NF1: variants seen among roughly 807,000 people sequenced by gnomAD.
NF1 encodes the protein neurofibromin 1.
A neutral mutation model predicts 325.7 loss-of-function variants in NF1; 122 were observed. The observed-to-expected ratio is 0.37, with a 90% CI of 0.32 to 0.44. NF1 has a LOEUF of 0.44. NF1 is among the 20% of genes least tolerant of loss of function. The pLI, the probability that NF1 is intolerant of heterozygous loss-of-function variation, is 1.00. For missense variants in NF1, 2,140 were observed against 3,415.4 expected (o/e 0.63, Z 9.31); for synonymous variants, 1,091 against 1,186.0 (o/e 0.92, Z 1.65).
chr17:31,222,240 A>G, intron 15 of NF1: 1 of 1,077,048 alleles, frequency 9.3e-7, no homozygotes, highest in East Asian at 4.9e-5. Flanking sequence ...ATAGATTTTC[A>G]TAGTTATAAG....
intron 1 of NF1, among the ~76,000 whole-genome samples, chr17:31,139,397 C>A (rs1916048948): frequency 6.6e-6 from 1 of 151,472 alleles, no homozygotes; most frequent in Non-Finnish European, 1.5e-5. Flanking sequence ...CACACACACA[C>A]ACACACACAC....
chr17:31,260,655 T>G (rs918468688), intron 34 of NF1, 140 bp downstream of exon 34: 35 of 1,143,256 alleles, frequency 3.1e-5, no homozygotes, highest in Non-Finnish European at 4.1e-5. Context: ...AGATTCTTTT[T>G]TTCAAAAAAA....
At chr17:31,250,164 C>T (rs2067470901) in intron 30 of NF1, 1 of 332,622 alleles carries the variant, frequency 3.0e-6, no homozygotes, top group Non-Finnish European at 5.9e-6. Context: ...CCTTGTCTCT[C>T]TTAATTTATC....
intron 13 of NF1, among the ~76,000 whole-genome samples, chr17:31,218,368 G>A (rs1300724929): frequency 6.6e-6 from 1 of 151,680 alleles, no homozygotes; most frequent in Non-Finnish European, 1.5e-5. Context: ...GTATAGATGT[G>A]GATTAAAAGA....
intron 1 of NF1, chr17:31,133,221 A>G (rs1232586386): frequency 1.3e-5 from 2 of 152,192 alleles, no homozygotes; most frequent in Non-Finnish European, 2.9e-5. Flanking sequence ...GGATACCTCA[A>G]ATAAGTGGCG....
Position 31,377,131 on chromosome 17 carries a change from T to C in NF1, c.*2976T>C, listed in dbSNP as rs898403778. On this transcript the variant is annotated 3_prime_UTR_variant, in exon 58 of 58. Transcript: ENST00000358273. Reference sequence around the variant, plus strand: ...ATGAGGCATGTCTTACTCAATGTTATGCAATGGATTTAGGCAAAAATTCAT... The same window carrying C: ...ATGAGGCATGTCTTACTCAATGTTACGCAATGGATTTAGGCAAAAATTCAT... The C allele has an allele frequency of 4.3e-5, 10 of 233,610 alleles. No homozygotes were observed. Among genetic ancestry groups the C allele is most frequent in the Admixed American group, 2.8e-4 (5 of 17,782 alleles). The allele number at this position is 233,610 out of a possible 1,614,324, so 14.5% of individuals were successfully genotyped here. A position where few individuals can be genotyped will look rare whatever the true frequency, so the allele number is the denominator to read the frequency against.
chr17:31,207,275 A>G lies in NF1; in HGVS notation c.1392+904A>G, dbSNP rs17880584. 8.0e-4 allele frequency among the ~76,000 whole-genome samples: 121 copies of G among 152,136 alleles called. 1 individual carries two copies. The East Asian group carries it at 0.019, about 24-fold the overall frequency. ...TCTGTGTATAGTTACCATTATAGTC[A>G]CATCTTGTCATTTCAACTGAAAATA... On this transcript the variant is annotated intron_variant, in intron 12 of 57. Coordinates refer to ENST00000358273, the MANE Select transcript of NF1 (RefSeq NM_001042492.3).
chr17:31,203,259 A>AG (rs1459370935), intron 11 of NF1, among the ~76,000 whole-genome samples: 1 of 152,096 alleles, frequency 6.6e-6, no homozygotes, highest in Non-Finnish European at 1.5e-5. Context: ...GCATGTGTGG[A>AG]GGGTGGAGTG....
chr17:31,096,141 CT>C (rs1555594769), intron 1 of NF1, among the ~76,000 whole-genome samples: 30 of 144,618 alleles, frequency 2.1e-4, no homozygotes, highest in Admixed American at 3.4e-4. Context: ...TCCCCCCCCC[CT>C]TTTTTTTTTG....
At chr17:31,121,819 G>A (rs146229304) in intron 1 of NF1, among the ~76,000 whole-genome samples, 30 of 151,986 alleles carry the variant, frequency 2.0e-4, no homozygotes, top group African/African-American at 6.5e-4. Context: ...TGCTGGATTC[G>A]GTTTGCCACA....
In NF1 at chr17:31,323,025, G is replaced by A. The variant is rs568632939; in HGVS notation, c.4836-2795G>A. On this transcript the variant is annotated intron_variant, in intron 36 of 57. Coordinates refer to ENST00000358273, the MANE Select transcript of NF1 (RefSeq NM_001042492.3). ...CCTTTCTTTAAGGGAAAATAAAACCGGTTGAACAGTTCCCTAATACATACA... is the reference window on the plus strand; with the variant it reads ...CCTTTCTTTAAGGGAAAATAAAACCAGTTGAACAGTTCCCTAATACATACA... Among the ~76,000 whole-genome samples, 15 of 152,214 alleles carry A rather than the reference G, an allele frequency of 9.9e-5. No homozygotes were observed. The East Asian group carries it at 2.7e-3, about 27-fold the overall frequency.
intron 15 of NF1, 136 bp downstream of exon 15, chr17:31,222,065 G>T (rs1206862783): frequency 1.6e-6 from 2 of 1,270,000 alleles, no homozygotes; most frequent in Non-Finnish European, 2.0e-6. Context: ...TATTTTATTT[G>T]ACTTCAAATT....
At chr17:31,263,655 C>T (rs2067733240) in intron 35 of NF1, among the ~76,000 whole-genome samples, 1 of 151,108 alleles carries the variant, frequency 6.6e-6, no homozygotes, top group Admixed American at 6.6e-5. Flanking sequence ...TTAAGTAATC[C>T]AATATATATA....
At position 31,232,901 on chromosome 17, in the gene NF1, T is replaced by G. The variant is rs748209462; in HGVS notation, c.3496+20T>G. On this transcript the variant is annotated intron_variant, in intron 26 of 57. Coordinates refer to ENST00000358273, the MANE Select transcript of NF1 (RefSeq NM_001042492.3). ...CCATAGGTGAGATCAAATGAAAGTT[T>G]CATATAGAAATACAAAACCTAGAGA... is the stretch of plus-strand genomic sequence containing the variant. The G allele has an allele frequency of 1.2e-6, 2 of 1,613,928 alleles. No homozygotes were observed. The highest frequency in any genetic ancestry group is 1.7e-6 in the Non-Finnish European group (2 of 1,179,920).
rs1060500287 is a variant in NF1 at position 31,232,884 on chromosome 17, G to A, written c.3496+3G>A. On this transcript the variant is annotated splice_donor_region_variant and intron_variant, in intron 26 of 57. Transcript: ENST00000358273. ...CAGTGGTCTCATGCACTCCATAGGT[G>A]AGATCAAATGAAAGTTTCATATAGA... 1 of 1,614,020 alleles carries A rather than the reference G, an allele frequency of 6.2e-7. No individual in the cohort carries two copies. Among genetic ancestry groups the A allele is most frequent in the Non-Finnish European group, 8.5e-7 (1 of 1,179,982 alleles).
rs17879320 is a variant in NF1 at position 31,276,013 on chromosome 17, T to G, written c.4835+10674T>G. Among the ~76,000 whole-genome samples the G allele has an allele frequency of 9.4e-3, 1,426 of 151,986 alleles. 22 individuals are homozygous for G. Among genetic ancestry groups the G allele is most frequent in the African/African-American group, 0.032 (1,343 of 41,416 alleles). ...TCACGAGGTCAGGAGATGGAGACCA[T>G]CCTGGCTAACACGGTGAAACCCCAT... On this transcript the variant is annotated intron_variant, in intron 36 of 57. Coordinates refer to ENST00000358273, the MANE Select transcript of NF1 (RefSeq NM_001042492.3).
chr17:31,325,506 T>C (rs1297393231), intron 36 of NF1, among the ~76,000 whole-genome samples: 1 of 152,226 alleles, frequency 6.6e-6, no homozygotes, highest in Non-Finnish European at 1.5e-5. Flanking sequence ...TACCAGACTA[T>C]TCGCCTAAGG....
At chr17:31,239,372 A>C (rs2067255943) in intron 29 of NF1, among the ~76,000 whole-genome samples, 1 of 152,238 alleles carries the variant, frequency 6.6e-6, no homozygotes, top group Admixed American at 6.5e-5. Flanking sequence ...AACTTCCCAA[A>C]CTGAAATGCA....
chr17:31,212,252 T>C (rs1343549278), intron 12 of NF1, among the ~76,000 whole-genome samples: 2 of 152,212 alleles, frequency 1.3e-5, no homozygotes, highest in Non-Finnish European at 2.9e-5. Flanking sequence ...GTCTTCCACC[T>C]CCACATCTGC....
Sources: allele counts gnomAD v4.1 joint callset (sites outside exome capture counted in the v4.1 genomes callset), GRCh38; gene constraint gnomAD v4.1.1; transcripts MANE v1.5; gene names NCBI Gene and HGNC (gene_info 2026-07-23, HGNC 2026-07-21).